Variants in QRICH2 observed in about 807,000 individuals in gnomAD.
QRICH2 encodes glutamine-rich protein 2.
In QRICH2, 119 loss-of-function variants were observed where a neutral mutation model predicts 168.3. That is an observed-to-expected ratio of 0.71 (90% confidence interval 0.61 to 0.82). The LOEUF (loss-of-function observed/expected upper bound fraction) is 0.82, where lower values mean the gene tolerates loss of function less well. QRICH2 is among the 40% of genes least tolerant of loss of function. QRICH2 has a pLI of 0.00. For synonymous variants in QRICH2, 894 were observed against 951.2 expected (o/e 0.94, Z 1.11); for missense variants, 2,241 against 2,491.6 (o/e 0.90, Z 2.14).
At chr17:76,296,851 T>G (rs1444679955) in intron 3 of QRICH2, among the ~76,000 whole-genome samples, 2 of 151,540 alleles carry the variant, frequency 1.3e-5, no homozygotes, top group African/African-American at 4.9e-5. Flanking sequence ...CAGAGGTCTG[T>G]GGAGGATCCC....
intron 3 of QRICH2, among the ~76,000 whole-genome samples, chr17:76,298,182 T>A (rs1396586875): frequency 2.2e-5 from 1 of 45,386 alleles, no homozygotes; most frequent in Non-Finnish European, 3.4e-5. Flanking sequence ...TTCTGGCTAA[T>A]TTTTTTTTTT....
chr17:76,298,426 G>A (rs1382616792), intron 3 of QRICH2, among the ~76,000 whole-genome samples: 1 of 147,238 alleles, frequency 6.8e-6, no homozygotes, highest in Non-Finnish European at 1.5e-5. Flanking sequence ...TGATCCGCCC[G>A]CCTCAGCCTC....
chr17:76,279,874 C>T (rs574616590), intron 12 of QRICH2, among the ~76,000 whole-genome samples, 159 bp downstream of exon 12: 44 of 152,288 alleles, frequency 2.9e-4, no homozygotes, highest in African/African-American at 9.6e-4. Context: ...GCTAGAAGAG[C>T]GTTTCAAGCT....
In QRICH2 at chr17:76,279,160, G is replaced by C; in HGVS notation, c.4815-18C>G. ...GGATGGCACTGGGCAGGGACAGAGG[G>C]AGAAGGGGCGGGTCAGAGTGGGACA... is the stretch of plus-strand genomic sequence containing the variant. On this transcript the variant is annotated intron_variant, in intron 13 of 18. Coordinates refer to ENST00000680821, the MANE Select transcript of QRICH2 (RefSeq NM_001388453.1). 2 of 1,593,884 alleles carry C rather than the reference G, an allele frequency of 1.3e-6. No individual in the cohort carries two copies. Among genetic ancestry groups the C allele is most frequent in the Non-Finnish European group, 1.7e-6 (2 of 1,165,118 alleles).
At chr17:76,290,827 T>C (rs1033199828) in intron 4 of QRICH2, among the ~76,000 whole-genome samples, 188 bp downstream of exon 4, 1 of 152,150 alleles carries the variant, frequency 6.6e-6, no homozygotes, top group African/African-American at 2.4e-5. Context: ...TCCTGGGGCT[T>C]AGTTCTCTCC....
intron 16 of QRICH2, 136 bp from the exon 17 acceptor site, chr17:76,276,903 G>T: frequency 4.0e-6 from 3 of 746,756 alleles, no homozygotes; most frequent in Non-Finnish European, 4.3e-6. Flanking sequence ...AGGGTGGAGC[G>T]AGAAGGTGGA....
chr17:76,305,520 C>A (rs2070977735), intron 1 of QRICH2, among the ~76,000 whole-genome samples: 1 of 152,096 alleles, frequency 6.6e-6, no homozygotes, highest in Admixed American at 6.6e-5. Flanking sequence ...CAGCCAAGTG[C>A]AGGAAGGGAA....
At chr17:76,290,912 G>A in intron 4 of QRICH2, 103 bp downstream of exon 4, 1 of 1,509,720 alleles carries the variant, frequency 6.6e-7, no homozygotes, top group South Asian at 1.3e-5. Context: ...CAGGGACTCA[G>A]GGAGATGTGT....
intron 1 of QRICH2, among the ~76,000 whole-genome samples, chr17:76,306,289 C>T (rs75130770): frequency 1.7e-4 from 26 of 151,618 alleles, no homozygotes; most frequent in African/African-American, 2.2e-4. Context: ...GTTGGTGCTG[C>T]GGTCTCGAGA....
Position 76,293,776 on chromosome 17 carries a change from C to T in QRICH2, c.951G>A (p.Arg317=). Residue 317 remains arginine (R), a synonymous_variant, in exon 4 of 19, where the codon AGG becomes AGA. Transcript: ENST00000680821. Reference sequence around the variant, plus strand: ...GTGGCACGCCAGCTTCATCACGGGCCCTCGGCTGCTGCTGTCTCCCAGTAC... The same window carrying T: ...GTGGCACGCCAGCTTCATCACGGGCTCTCGGCTGCTGCTGTCTCCCAGTAC... ...PSGTGRQQQP[R]ARDEAGVPRL... 6.2e-7 allele frequency: 1 copy of T among 1,614,048 alleles called. No individual in the cohort carries two copies. Among genetic ancestry groups the T allele is most frequent in the Non-Finnish European group, 8.5e-7 (1 of 1,179,986 alleles).
At chr17:76,285,298 A>ATT (rs2070862456) in intron 7 of QRICH2, among the ~76,000 whole-genome samples, 1 of 151,858 alleles carries the variant, frequency 6.6e-6, no homozygotes, top group African/African-American at 2.4e-5. Flanking sequence ...CGCCCGGCTA[A>ATT]TTTTTGTATT....
Position 76,304,459 on chromosome 17 carries a change from C to G in QRICH2, c.661G>C (p.Glu221Gln), listed in dbSNP as rs751430305. 6.2e-7 allele frequency: 1 copy of G among 1,613,872 alleles called. No homozygotes were observed. The highest frequency in any genetic ancestry group is 8.5e-7 in the Non-Finnish European group (1 of 1,180,012). ...CCGTCCGTAATCGCCTGCTCCAGCTCTTCCCAGGTGACCATGGTGACTTCT... is the reference window on the plus strand; with the variant it reads ...CCGTCCGTAATCGCCTGCTCCAGCTGTTCCCAGGTGACCATGGTGACTTCT... ...AEEVTMVTWEELEQAITDGWR... is the reference protein window; with the variant it reads ...AEEVTMVTWEQLEQAITDGWR... The change falls in exon 3 of 19, where the codon GAG (glutamate) becomes CAG (glutamine). Residue 221 changes from glutamate (E) to glutamine (Q), a missense_variant. Glu to Gln is a conservative substitution (Grantham distance 29). Around this residue, in one of 3 missense-constraint regions of QRICH2, gnomAD observed 2,047 missense variants for 2,303.8 expected, o/e 0.89. Coordinates refer to ENST00000680821, the MANE Select transcript of QRICH2 (RefSeq NM_001388453.1).
chr17:76,277,617 G>A (rs1004298108), intron 15 of QRICH2, among the ~76,000 whole-genome samples: 2 of 151,264 alleles, frequency 1.3e-5, no homozygotes, highest in Non-Finnish European at 3.0e-5. Flanking sequence ...TACACACGAA[G>A]ATGCACATAC....
chr17:76,304,591 A>T, intron 2 of QRICH2, 66 bp from the exon 3 acceptor site: 2 of 1,162,994 alleles, frequency 1.7e-6, no homozygotes, highest in Non-Finnish European at 2.5e-6. Context: ...TTAGGAACAG[A>T]CTTGGTCTAA....
At position 76,277,316 on chromosome 17, in the gene QRICH2, A is replaced by C; in HGVS notation, c.5118-6T>G. 1 of 1,609,708 alleles carries C rather than the reference A, an allele frequency of 6.2e-7. No individual in the cohort carries two copies. The highest frequency in any genetic ancestry group is 8.5e-7 in the Non-Finnish European group (1 of 1,178,652). On this transcript the variant is annotated splice_region_variant and splice_polypyrimidine_tract_variant and intron_variant, in intron 15 of 18. Transcript: ENST00000680821. ...AATCAGCCATATCTGTCACCCTGTG[A>C]TGAAGACAGGATGGAGTCATTGGGA...
rs758783268 is a variant in QRICH2, at chr17:76,292,566, CCAAATCACTCTGAT to C, written c.2147_2160del (p.Asp716GlyfsTer66). ...CCATGCTGAACTGCACCAGGTTGAG[CCAAATCACTCTGAT>C]CTGCACCAGATTGTACCAAACCATG... On this transcript the variant is annotated frameshift_variant, in exon 4 of 19. Transcript: ENST00000680821. LOFTEE classifies it high-confidence loss of function. 4 of 1,613,964 alleles carry C rather than the reference CCAAATCACTCTGAT, an allele frequency of 2.5e-6. No individual in the cohort carries two copies. The South Asian group carries it at 3.3e-5, about 13-fold the overall frequency.
In QRICH2 at chr17:76,275,928, GC is replaced by G. The variant is rs1226790959; in HGVS notation, c.5372del (p.Arg1791ProfsTer103). The G allele has an allele frequency of 6.2e-7, 1 of 1,608,492 alleles. No individual in the cohort carries two copies. The highest frequency in any genetic ancestry group is 1.7e-5 in the Admixed American group (1 of 60,028). ...LRKDSSGTSK[R>X]KSQQPRPHVH... ...CGTGGGGCCTGGGCTGCTGGGACTT[GC>G]GCTTTGAGGTCCCTGAGCCTGATGG... On this transcript the variant is annotated frameshift_variant, in exon 18 of 19. Transcript: ENST00000680821. LOFTEE classifies it high-confidence loss of function.
chr17:76,306,748 G>C (rs1482607222), intron 1 of QRICH2, among the ~76,000 whole-genome samples: 1 of 152,054 alleles, frequency 6.6e-6, no homozygotes, highest in Non-Finnish European at 1.5e-5. Flanking sequence ...TTAGCCAGGC[G>C]GGGTGGCGCG....
chr17:76,276,047 G>T, intron 17 of QRICH2, 100 bp from the exon 18 acceptor site: 1 of 1,437,094 alleles, frequency 7.0e-7, no homozygotes, highest in Non-Finnish European at 9.5e-7. Flanking sequence ...TGCTGGTCAT[G>T]GCCGGCCTCA....
Sources: gnomAD v4.1 joint callset for allele counts (sites outside exome capture counted in the v4.1 genomes callset) on GRCh38, gnomAD v4.1.1 for gene constraint, gnomAD v4.1.1 regional missense constraint, MANE v1.5 for transcripts, NCBI Gene and HGNC (gene_info 2026-07-23, HGNC 2026-07-21) for gene names.